Variants in LRMDA observed in about 807,000 individuals in gnomAD.
LRMDA encodes the protein leucine rich melanocyte differentiation associated, also known as leucine-rich melanocyte differentiation-associated protein.
A neutral mutation model predicts 29.8 loss-of-function variants in LRMDA; 18 were observed. The ratio of observed to expected loss-of-function variants is 0.60; its 90% CI spans 0.42 to 0.90. The LOEUF is 0.90. Ranked by LOEUF, LRMDA falls within the 40% of genes least tolerant of loss-of-function variation. The probability of loss-of-function intolerance (pLI) is 0.00; values close to 1 mark genes in which losing one functional copy is unlikely to be tolerated. For synonymous variants in LRMDA, 125 were observed against 109.4 expected (o/e 1.14, Z -0.89); for missense variants, 273 against 273.9 (o/e 1.00, Z 0.02).
intron 2 of LRMDA, among the ~76,000 whole-genome samples, chr10:75,690,838 C>T (rs755721772): frequency 3.3e-5 from 5 of 150,578 alleles, no homozygotes; most frequent in Non-Finnish European, 7.4e-5. Context: ...CTGAGCATGG[C>T]GGTGTGCACC....
Position 75,600,740 on chromosome 10 carries a change from A to G in LRMDA, c.131+162246A>G, listed in dbSNP as rs182933189. On this transcript the variant is annotated intron_variant, in intron 2 of 6. Coordinates refer to ENST00000611255, the MANE Select transcript of LRMDA (RefSeq NM_001305581.2). ...TATTTGTATTAAGTGGAATCCACCC[A>G]TGAGATTTATCAAATAAAAAATCTA... Among the ~76,000 whole-genome samples the G allele has an allele frequency of 2.6e-5, 4 of 152,310 alleles. No homozygotes were observed. In the East Asian group the frequency reaches 7.7e-4, roughly 29 times the overall value.
At chr10:76,118,766 C>T (rs554696781) in intron 5 of LRMDA, among the ~76,000 whole-genome samples, 26 of 151,230 alleles carry the variant, frequency 1.7e-4, no homozygotes, top group African/African-American at 5.8e-4. Context: ...ATTTTTGAGA[C>T]TCTGAAAATG....
chr10:76,352,358 G>A (rs1032962598), intron 6 of LRMDA, among the ~76,000 whole-genome samples: 1 of 152,002 alleles, frequency 6.6e-6, no homozygotes, highest in African/African-American at 2.4e-5. Context: ...GCATCACTAC[G>A]CTTGCACTTT....
chr10:75,470,721 C>T lies in LRMDA; in HGVS notation c.131+32227C>T, dbSNP rs982892242. ...GTCCCTCCTTGTAGGTGCCCTCAGT[C>T]TGAGCAGCCCCACTCATTGTCCGTT... On this transcript the variant is annotated intron_variant, in intron 2 of 6. Coordinates refer to ENST00000611255, the MANE Select transcript of LRMDA (RefSeq NM_001305581.2). Among the ~76,000 whole-genome samples, 37 of 152,114 alleles carry T rather than the reference C, an allele frequency of 2.4e-4. 1 individual carries two copies. Among genetic ancestry groups the T allele is most frequent in the African/African-American group, 8.2e-4 (34 of 41,416 alleles).
chr10:75,902,326 C>T (rs1438541362), intron 2 of LRMDA, among the ~76,000 whole-genome samples: 2 of 152,134 alleles, frequency 1.3e-5, no homozygotes, highest in East Asian at 1.9e-4. Flanking sequence ...GGTCTACTAA[C>T]TGGGGAGTAG....
intron 2 of LRMDA, among the ~76,000 whole-genome samples, chr10:76,026,126 T>C (rs953808447): frequency 6.6e-6 from 1 of 152,202 alleles, no homozygotes; most frequent in African/African-American, 2.4e-5. Context: ...GGAGCATCCA[T>C]GGAGTACAGA....
intron 5 of LRMDA, among the ~76,000 whole-genome samples, chr10:76,122,349 G>A (rs1265315786): frequency 3.3e-5 from 5 of 151,824 alleles, no homozygotes; most frequent in Admixed American, 2.6e-4. Flanking sequence ...TAAACCCATC[G>A]GCACCTTCAG....
In LRMDA at chr10:76,429,165, C is replaced by CA. The variant is rs949090067; in HGVS notation, c.601+104692dup. 9.3e-3 allele frequency among the ~76,000 whole-genome samples: 1,307 copies of CA among 140,266 alleles called. 11 individuals carry two copies. Among genetic ancestry groups the CA allele is most frequent in the Middle Eastern group, 0.056 (15 of 266 alleles). The allele number at this position is 140,266 out of a possible 152,430, so 92.0% of individuals were successfully genotyped here. ...CAAAGTAAAAATGTTGGAGAATTAA[C>CA]AAAAAAAAAAAAGTTACAGCCGCCA... On this transcript the variant is annotated intron_variant, in intron 6 of 6. Transcript: ENST00000611255.
chr10:76,201,550 A>G (rs923359807), intron 5 of LRMDA, among the ~76,000 whole-genome samples: 2 of 152,252 alleles, frequency 1.3e-5, no homozygotes, highest in African/African-American at 2.4e-5. Flanking sequence ...TGTTAGCCAC[A>G]ATGCCATAAT....
chr10:75,624,211 C>T (rs1369030734), intron 2 of LRMDA, among the ~76,000 whole-genome samples: 2 of 151,780 alleles, frequency 1.3e-5, no homozygotes, highest in South Asian at 2.1e-4. Context: ...TCTTGGTTGT[C>T]GATGACAGAA....
intron 2 of LRMDA, among the ~76,000 whole-genome samples, chr10:75,821,793 A>AAC (rs1844165660): frequency 6.6e-6 from 1 of 151,494 alleles, no homozygotes; most frequent in South Asian, 2.1e-4. Context: ...CAAACAAACA[A>AAC]ACAAAAAAAA....
At chr10:75,631,416 C>T (rs544267454) in intron 2 of LRMDA, among the ~76,000 whole-genome samples, 80 of 152,140 alleles carry the variant, frequency 5.3e-4, no homozygotes, top group African/African-American at 1.5e-3. Context: ...CCCCCCGCCC[C>T]GCCACCCAAC....
At chr10:75,739,732 A>G (rs1000139811) in intron 2 of LRMDA, among the ~76,000 whole-genome samples, 3 of 152,246 alleles carry the variant, frequency 2.0e-5, no homozygotes, top group South Asian at 4.1e-4. Flanking sequence ...CTTGTTGTCA[A>G]TATTTATAGC....
chr10:75,584,362 A>G (rs1422428121), intron 2 of LRMDA, among the ~76,000 whole-genome samples: 2 of 152,056 alleles, frequency 1.3e-5, no homozygotes, highest in Admixed American at 6.6e-5. Context: ...CTGTGTTTCT[A>G]CTGCTCTCCA....
intron 6 of LRMDA, among the ~76,000 whole-genome samples, chr10:76,434,125 A>G (rs941721576): frequency 6.6e-5 from 10 of 150,894 alleles, no homozygotes; most frequent in African/African-American, 1.7e-4. Context: ...TTTCTTGGTA[A>G]CTGTTGCCTT....
intron 2 of LRMDA, among the ~76,000 whole-genome samples, chr10:76,000,802 G>T (rs1265339463): frequency 1.3e-5 from 2 of 152,160 alleles, no homozygotes; most frequent in Non-Finnish European, 1.5e-5. Flanking sequence ...TTTCTTGGAA[G>T]TCTGATTACG....
At chr10:76,236,962 T>G (rs551734346) in intron 5 of LRMDA, among the ~76,000 whole-genome samples, 2 of 152,326 alleles carry the variant, frequency 1.3e-5, no homozygotes, top group South Asian at 2.1e-4. Flanking sequence ...ATAAACAGTG[T>G]TTTGGATTTC....
intron 5 of LRMDA, among the ~76,000 whole-genome samples, chr10:76,262,655 T>G (rs2132310908): frequency 6.6e-6 from 1 of 152,278 alleles, no homozygotes; most frequent in African/African-American, 2.4e-5. Flanking sequence ...TAGCCCTAGG[T>G]TTGGGGAATG....
chr10:76,378,608 G>C (rs909926665), intron 6 of LRMDA, among the ~76,000 whole-genome samples: 3 of 151,866 alleles, frequency 2.0e-5, no homozygotes, highest in Admixed American at 6.6e-5. Context: ...GAATTTTATT[G>C]ACTGTTTTTT....
Sources: gnomAD v4.1 joint callset for allele counts (sites outside exome capture counted in the v4.1 genomes callset) on GRCh38, gnomAD v4.1.1 for gene constraint, MANE v1.5 for transcripts, NCBI Gene and HGNC (gene_info 2026-07-23, HGNC 2026-07-21) for gene names.